GOT2: variants seen among roughly 807,000 people sequenced by gnomAD.
GOT2 encodes the protein aspartate aminotransferase, mitochondrial.
A neutral mutation model predicts 50.0 loss-of-function variants in GOT2; 17 were observed. The ratio of observed to expected loss-of-function variants is 0.34; its 90% CI spans 0.23 to 0.51. The LOEUF (loss-of-function observed/expected upper bound fraction) is 0.51, where lower values mean the gene tolerates loss of function less well. GOT2 is among the 20% of genes least tolerant of loss of function. The probability of loss-of-function intolerance (pLI) is 0.97; values close to 1 mark genes in which losing one functional copy is unlikely to be tolerated. For synonymous variants in GOT2, 172 were observed against 204.9 expected (o/e 0.84, Z 1.37); for missense variants, 430 against 559.6 (o/e 0.77, Z 2.34).
At chr16:58,718,489 G>A (rs1371819328) in intron 5 of GOT2, 38 bp downstream of exon 5, 4 of 1,540,486 alleles carry the variant, frequency 2.6e-6, no homozygotes, top group South Asian at 2.5e-5. Flanking sequence ...CAAGCAAGGA[G>A]TTTTATTCAC....
intron 3 of GOT2, among the ~76,000 whole-genome samples, chr16:58,719,700 A>C (rs945190340): frequency 6.6e-6 from 1 of 152,136 alleles, no homozygotes; most frequent in African/African-American, 2.4e-5. Flanking sequence ...GGATGCAGTG[A>C]GCCGAGACTG....
intron 7 of GOT2, 140 bp from the exon 8 acceptor site, chr16:58,716,319 C>A: frequency 2.4e-6 from 2 of 822,358 alleles, no homozygotes; most frequent in Non-Finnish European, 3.8e-6. Context: ...AAGCTTTCAA[C>A]AACCAGAGTG....
chr16:58,717,356 C>G (rs1011986187), intron 6 of GOT2, among the ~76,000 whole-genome samples: 1 of 149,150 alleles, frequency 6.7e-6, no homozygotes, highest in Admixed American at 6.8e-5. Context: ...TGGCTTAAGG[C>G]GACAGAGTGA....
At chr16:58,716,248 A>C in intron 7 of GOT2, 69 bp from the exon 8 acceptor site, 2 of 1,417,024 alleles carry the variant, frequency 1.4e-6, no homozygotes, top group South Asian at 2.4e-5. Context: ...TCATGAGTGT[A>C]TTTGCTACGT....
intron 8 of GOT2, 40 bp from the exon 9 acceptor site, chr16:58,709,607 C>T (rs373104066): frequency 1.3e-6 from 2 of 1,572,388 alleles, no homozygotes; most frequent in Non-Finnish European, 1.7e-6. Flanking sequence ...TCTGCCTAAG[C>T]ACTGACCGAT....
intron 8 of GOT2, among the ~76,000 whole-genome samples, chr16:58,713,773 A>T (rs2044668434): frequency 2.0e-5 from 3 of 152,234 alleles, no homozygotes; most frequent in African/African-American, 7.2e-5. Context: ...ATGAACTCAT[A>T]GAGTAGGGGT....
At chr16:58,716,970 T>C (rs146932906) in intron 6 of GOT2, among the ~76,000 whole-genome samples, 157 bp from the exon 7 acceptor site, 212 of 152,312 alleles carry the variant, frequency 1.4e-3, no homozygotes, top group African/African-American at 5.0e-3. Context: ...ACTCAACTTA[T>C]ACCCAGGACT....
intron 3 of GOT2, among the ~76,000 whole-genome samples, chr16:58,720,133 C>T (rs944738701): frequency 1.3e-5 from 2 of 152,178 alleles, no homozygotes; most frequent in Admixed American, 1.3e-4. Flanking sequence ...ACCCAGGAGG[C>T]GGAGGTTGCG....
At chr16:58,716,983 C>T (rs137863228) in intron 6 of GOT2, among the ~76,000 whole-genome samples, 170 bp from the exon 7 acceptor site, 412 of 152,306 alleles carry the variant, frequency 2.7e-3, no homozygotes, top group Middle Eastern at 6.8e-3. Context: ...CCAGGACTCA[C>T]GAGACAACAT....
At chr16:58,733,150 G>A (rs941513678) in intron 1 of GOT2, among the ~76,000 whole-genome samples, 3 of 152,148 alleles carry the variant, frequency 2.0e-5, no homozygotes, top group Non-Finnish European at 2.9e-5. Context: ...TAAGGAGAGT[G>A]CTCCAAATCG....
At chr16:58,727,379 T>TA (rs2044796072) in intron 1 of GOT2, among the ~76,000 whole-genome samples, 1 of 151,736 alleles carries the variant, frequency 6.6e-6, no homozygotes, top group East Asian at 1.9e-4. Flanking sequence ...TTTTTTTTTT[T>TA]TAAAAAAAGA....
chr16:58,724,776 G>A (rs1187575913), intron 1 of GOT2, among the ~76,000 whole-genome samples: 3 of 152,024 alleles, frequency 2.0e-5, no homozygotes, highest in Admixed American at 2.0e-4. Context: ...CCTGACCTCA[G>A]GTGATCTGCT....
chr16:58,709,689 T>A (rs1282650527), intron 8 of GOT2, 122 bp from the exon 9 acceptor site: 1 of 675,458 alleles, frequency 1.5e-6, no homozygotes, highest in African/African-American at 1.8e-5. Context: ...AGGTCACGAA[T>A]GAGTGACACG....
chr16:58,713,413 A>G (rs1277557864), intron 8 of GOT2, among the ~76,000 whole-genome samples: 1 of 152,132 alleles, frequency 6.6e-6, no homozygotes, highest in Non-Finnish European at 1.5e-5. Flanking sequence ...CTGAGGTGGG[A>G]GGATGACTTG....
At chr16:58,726,714 C>T (rs1373112466) in intron 1 of GOT2, among the ~76,000 whole-genome samples, 6 of 151,122 alleles carry the variant, frequency 4.0e-5, no homozygotes, top group Non-Finnish European at 7.4e-5. Context: ...TCTCTACCTC[C>T]TGACCTCAAG....
intron 1 of GOT2, among the ~76,000 whole-genome samples, chr16:58,726,483 C>CATTATTTA (rs370220635): frequency 2.1e-5 from 3 of 144,568 alleles, no homozygotes; most frequent in Non-Finnish European, 4.5e-5. Context: ...CCCCGGCCTG[C>CATTATTTA]TTTATTTATT....
intron 8 of GOT2, among the ~76,000 whole-genome samples, chr16:58,710,967 C>CAAAAAAAAAA (rs35679170): frequency 2.7e-5 from 2 of 73,038 alleles, no homozygotes; most frequent in African/African-American, 6.0e-5. Flanking sequence ...GACTCTGTCT[C>CAAAAAAAAAA]AAAAAAAAAA....
At chr16:58,724,139 G>T (rs557177637) in intron 1 of GOT2, among the ~76,000 whole-genome samples, 98 of 152,182 alleles carry the variant, frequency 6.4e-4, no homozygotes, top group Middle Eastern at 3.4e-3. Context: ...TTTTAGTGGA[G>T]ATGGGGTTTC....
chr16:58,734,252 G>GC lies in GOT2; in HGVS notation c.-25dup. ...ATGGTGGACCGTAGGAGGGCAGTGG[G>GC]CAGCCGCAGGACGGAGCAGAGGGCG... On this transcript the variant is annotated 5_prime_UTR_variant, in exon 1 of 10. Coordinates refer to ENST00000245206, the MANE Select transcript of GOT2 (RefSeq NM_002080.4). 2 of 1,251,652 alleles carry GC rather than the reference G, an allele frequency of 1.6e-6. No homozygotes were observed. The highest frequency in any genetic ancestry group is 2.1e-6 in the Non-Finnish European group (2 of 973,130). The allele number at this position is 1,251,652 out of a possible 1,614,324, so 77.5% of individuals were successfully genotyped here. A position where few individuals can be genotyped will look rare whatever the true frequency, so the allele number is the denominator to read the frequency against.
Sources: gnomAD v4.1 joint callset for allele counts (sites outside exome capture counted in the v4.1 genomes callset) on GRCh38, gnomAD v4.1.1 for gene constraint, MANE v1.5 for transcripts, NCBI Gene and HGNC (gene_info 2026-07-23, HGNC 2026-07-21) for gene names.